The following SEL1L2 variants were observed in gnomAD, a reference collection of about 807,000 sequenced individuals.
SEL1L2 encodes SEL1L2 adaptor subunit of SYVN1 ubiquitin ligase.
SEL1L2 carries 89 observed loss-of-function variants against 98.8 expected under a neutral mutation model. The ratio of observed to expected loss-of-function variants is 0.90; its 90% CI spans 0.76 to 1.07. The LOEUF (loss-of-function observed/expected upper bound fraction) is 1.07, where lower values mean the gene tolerates loss of function less well. SEL1L2 is among the 50% of genes least tolerant of loss of function. SEL1L2 has a pLI of 0.00. For missense variants in SEL1L2, 788 were observed against 812.0 expected, an observed-to-expected ratio of 0.97 and a Z score of 0.36; for synonymous variants, 262 against 278.5, an observed-to-expected ratio of 0.94 and a Z score of 0.59.
chr20:13,860,727 C>G (rs1021587330), intron 17 of SEL1L2, among the ~76,000 whole-genome samples: 4 of 152,102 alleles, frequency 2.6e-5, no homozygotes, highest in African/African-American at 9.7e-5. Flanking sequence ...AACTCTTTCT[C>G]TGGGTGACCT....
chr20:13,865,620 G>A, intron 15 of SEL1L2, 106 bp from the exon 16 acceptor site: 1 of 950,660 alleles, frequency 1.1e-6, no homozygotes, highest in Non-Finnish European at 1.6e-6. Context: ...GGTCAGGGAA[G>A]GATTTTAGGT....
intron 1 of SEL1L2, among the ~76,000 whole-genome samples, chr20:13,960,524 T>G (rs1010039146): frequency 3.3e-5 from 5 of 152,226 alleles, no homozygotes; most frequent in African/African-American, 1.2e-4. Context: ...AAAACACTTT[T>G]GAAACTTACG....
intron 1 of SEL1L2, among the ~76,000 whole-genome samples, chr20:13,981,319 TG>T (rs1319341021): frequency 2.0e-5 from 3 of 151,918 alleles, no homozygotes; most frequent in Non-Finnish European, 4.4e-5. Context: ...GTGTGGGGAA[TG>T]GGGAGAGGTT....
At chr20:13,945,663 T>C (rs1296872135) in intron 2 of SEL1L2, among the ~76,000 whole-genome samples, 3 of 151,940 alleles carry the variant, frequency 2.0e-5, no homozygotes, top group African/African-American at 7.3e-5. Context: ...TAGACCAATA[T>C]CTCTGATAAA....
intron 10 of SEL1L2, among the ~76,000 whole-genome samples, chr20:13,882,617 T>C (rs2046757864): frequency 6.6e-6 from 1 of 152,156 alleles, no homozygotes; most frequent in African/African-American, 2.4e-5. Context: ...TCCAGCTAAC[T>C]GCAGATGCAT....
chr20:13,868,272 GTCTA>G (rs1227522507), intron 14 of SEL1L2, among the ~76,000 whole-genome samples: 3 of 151,924 alleles, frequency 2.0e-5, no homozygotes, highest in African/African-American at 7.3e-5. Context: ...AAGCAATCCT[GTCTA>G]TCTATCACGG....
At chr20:13,966,747 G>T (rs2051060813) in intron 1 of SEL1L2, among the ~76,000 whole-genome samples, 1 of 152,196 alleles carries the variant, frequency 6.6e-6, no homozygotes, top group Non-Finnish European at 1.5e-5. Context: ...TAGAAATACT[G>T]TTCCTACCTT....
intron 5 of SEL1L2, among the ~76,000 whole-genome samples, chr20:13,901,603 C>T (rs1483879798): frequency 6.6e-6 from 1 of 151,192 alleles, no homozygotes; most frequent in Admixed American, 6.6e-5. Flanking sequence ...GCTACCATTT[C>T]TCAAATAAAT....
At chr20:13,939,040 G>GTTTTGTTTTTTTTTTTTTTTT (rs2049605907) in intron 2 of SEL1L2, among the ~76,000 whole-genome samples, 1 of 114,072 alleles carries the variant, frequency 8.8e-6, no homozygotes, top group African/African-American at 3.5e-5. Flanking sequence ...TGCTTGTTTT[G>GTTTTGTTTTTTTTTTTTTTTT]TTTTTTTTTT....
At chr20:13,989,409 G>C (rs775631082) in intron 1 of SEL1L2, among the ~76,000 whole-genome samples, 2 of 152,038 alleles carry the variant, frequency 1.3e-5, no homozygotes, top group Non-Finnish European at 2.9e-5. Flanking sequence ...CATGTCTTCT[G>C]TGAATACAGA....
At chr20:13,915,059 G>A in intron 4 of SEL1L2, 1 of 1,245,832 alleles carries the variant, frequency 8.0e-7, no homozygotes, top group South Asian at 1.3e-5. Flanking sequence ...CTCAAATACA[G>A]GGAAAAAAAA....
At chr20:13,956,591 C>T (rs1458740791) in intron 1 of SEL1L2, among the ~76,000 whole-genome samples, 1 of 152,042 alleles carries the variant, frequency 6.6e-6, no homozygotes, top group Non-Finnish European at 1.5e-5. Context: ...TTGAATGATA[C>T]AAACATCTGA....
chr20:13,907,726 C>CTTTCTT (rs2048009032), intron 5 of SEL1L2, among the ~76,000 whole-genome samples: 1 of 128,832 alleles, frequency 7.8e-6, no homozygotes, highest in Non-Finnish European at 1.6e-5. Flanking sequence ...TTCTTTCTTT[C>CTTTCTT]TTTCTTTCTT....
Position 13,888,505 on chromosome 20 carries a change from C to T in SEL1L2, c.557G>A (p.Gly186Glu), listed in dbSNP as rs1205276105. Residue 186 changes from glycine to glutamate, a missense_variant, in exon 6 of 20, where the codon GGA becomes GAA. Transcript: ENST00000284951. ...EGSCKAQNAL[G>E]FLSSYGIGME... ...TCCTATTCCATAAGAAGACAAAAAT[C>T]CTAATGCCTAAAGCACAAAAGAAGA... 6.5e-7 allele frequency: 1 copy of T among 1,546,930 alleles called. No individual in the cohort carries two copies. The highest frequency in any genetic ancestry group is 8.9e-7 in the Non-Finnish European group (1 of 1,129,446).
intron 1 of SEL1L2, among the ~76,000 whole-genome samples, chr20:13,982,615 GTAAA>G (rs796088350): frequency 4.3e-4 from 65 of 151,478 alleles, no homozygotes; most frequent in African/African-American, 1.5e-3. Context: ...TAAGAGAGAT[GTAAA>G]TAAATAAATA....
At chr20:13,935,891 G>A (rs2148343400) in intron 2 of SEL1L2, among the ~76,000 whole-genome samples, 1 of 152,268 alleles carries the variant, frequency 6.6e-6, no homozygotes, top group Admixed American at 6.5e-5. Flanking sequence ...ATGGTAGAGG[G>A]GGAAATGGTG....
chr20:13,990,845 G>A (rs546976752), upstream of SEL1L2, among the ~76,000 whole-genome samples: 1 of 152,350 alleles, frequency 6.6e-6, no homozygotes, highest in South Asian at 2.1e-4. Flanking sequence ...GTGTCCACAC[G>A]TTCAACTGTG....
rs183836767 is a variant in SEL1L2, at chr20:13,896,452, A to G, written c.550-7940T>C. Among the ~76,000 whole-genome samples the G allele has an allele frequency of 2.0e-3, 303 of 151,320 alleles. 3 individuals are homozygous for G. The highest frequency in any genetic ancestry group is 0.019 in the Admixed American group (285 of 15,164). On this transcript the variant is annotated intron_variant, in intron 5 of 19. Coordinates refer to ENST00000284951, the MANE Select transcript of SEL1L2 (RefSeq NM_025229.2). ...TCCATTGCACTCCAGCCTGGGCGAC[A>G]GAGTGGGACGCAGTCTCAAAACAAA...
At chr20:13,937,421 G>A (rs2049509924) in intron 2 of SEL1L2, among the ~76,000 whole-genome samples, 1 of 152,222 alleles carries the variant, frequency 6.6e-6, no homozygotes, top group African/African-American at 2.4e-5. Context: ...AAGTCTAGGA[G>A]CCTGCTCTCT....
Sources: gnomAD v4.1 joint callset for allele counts (sites outside exome capture counted in the v4.1 genomes callset) on GRCh38, gnomAD v4.1.1 for gene constraint, MANE v1.5 for transcripts, NCBI Gene and HGNC (gene_info 2026-07-23, HGNC 2026-07-21) for gene names.